The following TMEM178B variants were observed in gnomAD, a reference collection of about 807,000 sequenced individuals.
TMEM178B encodes the protein transmembrane protein 178B.
Under a neutral mutation model 31.0 loss-of-function variants are expected in TMEM178B, and 5 were observed. That is an observed-to-expected ratio of 0.16 (90% CI 0.08 to 0.34). The LOEUF is 0.34. TMEM178B is among the 10% of genes least tolerant of loss of function. The probability of loss-of-function intolerance (pLI) is 1.00; values close to 1 mark genes in which losing one functional copy is unlikely to be tolerated. For missense variants in TMEM178B, 275 were observed against 400.3 expected (o/e 0.69, Z 2.67); for synonymous variants, 164 against 164.0 (o/e 1.00, Z 0.00).
intron 1 of TMEM178B, among the ~76,000 whole-genome samples, chr7:141,206,596 A>G (rs1159027436): frequency 6.6e-6 from 1 of 152,260 alleles, no homozygotes; most frequent in East Asian, 1.9e-4. Flanking sequence ...TCTCTGCCAA[A>G]GGCCGCATCA....
chr7:141,276,976 T>C (rs1040669453), intron 2 of TMEM178B, among the ~76,000 whole-genome samples: 2 of 152,180 alleles, frequency 1.3e-5, no homozygotes, highest in African/African-American at 4.8e-5. Context: ...ATAGGGCACT[T>C]ATCGTGAATG....
intron 1 of TMEM178B, among the ~76,000 whole-genome samples, chr7:141,191,535 TG>T (rs1374843706): frequency 6.6e-6 from 1 of 152,252 alleles, no homozygotes; most frequent in Non-Finnish European, 1.5e-5. Flanking sequence ...TTCCGGGCCT[TG>T]GCCAGAATGA....
At chr7:141,231,096 A>AT (rs1295150610) in intron 2 of TMEM178B, among the ~76,000 whole-genome samples, 1 of 152,152 alleles carries the variant, frequency 6.6e-6, no homozygotes, top group Admixed American at 6.5e-5. Context: ...AACATTTGGG[A>AT]TTTTTCTCTC....
At chr7:141,363,372 A>G (rs141725912) in intron 2 of TMEM178B, among the ~76,000 whole-genome samples, 2,224 of 152,358 alleles carry the variant, frequency 0.015, 26 homozygotes, top group Non-Finnish European at 0.023. Context: ...TTCTCAAGAT[A>G]TCGTAACTTA....
At chr7:141,494,299 A>T in the TMEM178B span, among the ~76,000 whole-genome samples, 1 of 152,330 alleles carries the variant, frequency 6.6e-6, no homozygotes, top group Admixed American at 6.5e-5. Context: ...ACTATTATAT[A>T]CAAGTTATAG....
intron 2 of TMEM178B, among the ~76,000 whole-genome samples, chr7:141,369,343 GTGTGTGTGTGTGTGTA>G (rs900546592): frequency 3.3e-5 from 5 of 151,016 alleles, no homozygotes; most frequent in South Asian, 2.1e-4. Flanking sequence ...GTGTGTGTGT[GTGTGTGTGTGTGTGTA>G]TGTGTGTGTG....
chr7:141,442,362 T>A (rs887447371), intron 3 of TMEM178B, among the ~76,000 whole-genome samples: 1 of 152,170 alleles, frequency 6.6e-6, no homozygotes, highest in African/African-American at 2.4e-5. Flanking sequence ...CACCCTGCAA[T>A]CAGTCCTTCA....
In TMEM178B at chr7:141,074,779, G is replaced by A; in HGVS notation, c.382+87G>A. Reference sequence around the variant, plus strand: ...CCTCGCGTCTCCTTCCCAGGCCACAGGCTATCAGGTCTCTGGGTTCCAGGC... The same window carrying A: ...CCTCGCGTCTCCTTCCCAGGCCACAAGCTATCAGGTCTCTGGGTTCCAGGC... On this transcript the variant is annotated intron_variant, in intron 1 of 3. Coordinates refer to ENST00000565468, the MANE Select transcript of TMEM178B (RefSeq NM_001195278.2). This position sits in a 1 kb window ranked among gnomAD's most constrained non-coding sequence, Gnocchi z 5.1. 7.0e-7 allele frequency: 1 copy of A among 1,427,426 alleles called. No homozygotes were observed. Among genetic ancestry groups the A allele is most frequent in the South Asian group, 1.5e-5 (1 of 67,060 alleles). 88.4% of individuals were successfully genotyped at this position (1,427,426 alleles called of 1,614,324 possible).
intron 2 of TMEM178B, among the ~76,000 whole-genome samples, chr7:141,279,987 C>T (rs1251820553): frequency 6.6e-6 from 1 of 152,254 alleles, no homozygotes; most frequent in Non-Finnish European, 1.5e-5. Flanking sequence ...AATCCAGTTG[C>T]AAGCTCACTT....
rs571316246 is a variant in TMEM178B at position 141,123,177 on chromosome 7, T to G, written c.382+48485T>G. Among the ~76,000 whole-genome samples, 11 of 152,242 alleles carry G rather than the reference T, an allele frequency of 7.2e-5. 1 individual carries two copies. The highest frequency in any genetic ancestry group is 2.6e-4 in the African/African-American group (11 of 41,538). On this transcript the variant is annotated intron_variant, in intron 1 of 3. Transcript: ENST00000565468. ...GCTGTATCAAGGATACACAGGAAAATAGAAATTATGCCCACCTTGTGGGAA... is the reference window on the plus strand; with the variant it reads ...GCTGTATCAAGGATACACAGGAAAAGAGAAATTATGCCCACCTTGTGGGAA...
intron 3 of TMEM178B, among the ~76,000 whole-genome samples, chr7:141,451,121 A>T (rs1189824539): frequency 6.6e-6 from 1 of 152,144 alleles, no homozygotes; most frequent in Non-Finnish European, 1.5e-5. Flanking sequence ...AAGAAGGCAA[A>T]ATGGAGCCAC....
At chr7:141,202,978 C>T (rs1359999884) in intron 1 of TMEM178B, among the ~76,000 whole-genome samples, 3 of 152,294 alleles carry the variant, frequency 2.0e-5, no homozygotes, top group African/African-American at 7.2e-5. Flanking sequence ...CTTTCATCAC[C>T]GACCAAGTTT....
At chr7:141,203,859 TGGGATGGAGGAAACA>T (rs997785453) in intron 1 of TMEM178B, among the ~76,000 whole-genome samples, 1 of 152,176 alleles carries the variant, frequency 6.6e-6, no homozygotes, top group Non-Finnish European at 1.5e-5. Context: ...AAAGGAACTC[TGGGATGGAGGAAACA>T]CACGGACTCT....
At chr7:141,165,654 G>A (rs910504693) in intron 1 of TMEM178B, among the ~76,000 whole-genome samples, 21 of 152,150 alleles carry the variant, frequency 1.4e-4, no homozygotes, top group African/African-American at 4.8e-4. Context: ...CCTTTCAAAG[G>A]CATGTTCCTG....
chr7:141,317,848 G>A (rs552144089), intron 2 of TMEM178B, among the ~76,000 whole-genome samples: 2 of 152,254 alleles, frequency 1.3e-5, no homozygotes, highest in African/African-American at 4.8e-5. Context: ...CAATTGTTTT[G>A]ATGTATATTG....
At chr7:141,368,284 A>G (rs1178421421) in intron 2 of TMEM178B, among the ~76,000 whole-genome samples, 4 of 152,186 alleles carry the variant, frequency 2.6e-5, no homozygotes, top group African/African-American at 9.7e-5. Flanking sequence ...GTGCCACTGC[A>G]CTCCAGCCTG....
chr7:141,257,891 C>A (rs1317951889), intron 2 of TMEM178B, among the ~76,000 whole-genome samples: 1 of 151,558 alleles, frequency 6.6e-6, no homozygotes, highest in Admixed American at 6.6e-5. Context: ...TCTATATGGT[C>A]TCCTATCATT....
intron 2 of TMEM178B, among the ~76,000 whole-genome samples, chr7:141,389,506 T>C (rs1586928856): frequency 6.6e-6 from 1 of 152,350 alleles, no homozygotes; most frequent in Middle Eastern, 3.4e-3. Context: ...ATAGCTATTA[T>C]GTGTTTATCA....
intron 1 of TMEM178B, among the ~76,000 whole-genome samples, chr7:141,152,979 T>G (rs938511083): frequency 6.6e-6 from 1 of 152,120 alleles, no homozygotes; most frequent in Admixed American, 6.5e-5. Context: ...GAAAAGGAGG[T>G]GCAGAGAAAG....
Sources: allele counts gnomAD v4.1 joint callset (sites outside exome capture counted in the v4.1 genomes callset), GRCh38; gene constraint gnomAD v4.1.1; non-coding constraint Gnocchi (gnomAD v3.1); transcripts MANE v1.5; gene names NCBI Gene and HGNC (gene_info 2026-07-23, HGNC 2026-07-21).